PTPRD: variants seen among roughly 807,000 people sequenced by gnomAD.
PTPRD encodes the protein protein tyrosine phosphatase receptor type D, also known as receptor-type tyrosine-protein phosphatase delta.
In PTPRD, 34 loss-of-function variants were observed where a neutral mutation model predicts 214.5. That is an observed-to-expected ratio of 0.16 (90% CI 0.12 to 0.21). The LOEUF (loss-of-function observed/expected upper bound fraction) is 0.21. Among genes scored for constraint, PTPRD ranks in the 10% least tolerant of loss-of-function variants. The probability of loss-of-function intolerance (pLI) is 1.00; values close to 1 mark genes in which losing one functional copy is unlikely to be tolerated. For missense variants in PTPRD, 2,545 were observed against 2,398.7 expected, an observed-to-expected ratio of 1.06 and a Z score of -1.27; for synonymous variants, 1,128 against 845.7, an observed-to-expected ratio of 1.33 and a Z score of -5.79.
chr9:8,757,895 A>G (rs1025783864), intron 11 of PTPRD, among the ~76,000 whole-genome samples: 4 of 152,156 alleles, frequency 2.6e-5, no homozygotes, highest in Non-Finnish European at 5.9e-5. Context: ...ATCTCTATCT[A>G]TATAAAACAC....
At chr9:9,392,296 C>T (rs542423976) in intron 9 of PTPRD, among the ~76,000 whole-genome samples, 1 of 152,230 alleles carries the variant, frequency 6.6e-6, no homozygotes, top group East Asian at 1.9e-4. Context: ...GGTCATAAAC[C>T]TGCTTACAAT....
chr9:9,208,403 G>A (rs1169370274), intron 9 of PTPRD, among the ~76,000 whole-genome samples: 2 of 151,690 alleles, frequency 1.3e-5, no homozygotes, highest in Non-Finnish European at 2.9e-5. Flanking sequence ...TGAGGGTATA[G>A]GATACAAAAT....
chr9:9,017,164 C>T (rs2099539312), intron 11 of PTPRD, among the ~76,000 whole-genome samples: 1 of 151,974 alleles, frequency 6.6e-6, no homozygotes, highest in Non-Finnish European at 1.5e-5. Flanking sequence ...ACATAATAGC[C>T]ACCCAAACCC....
intron 2 of PTPRD, among the ~76,000 whole-genome samples, chr9:10,593,895 T>G (rs984541214): frequency 3.3e-5 from 5 of 152,120 alleles, no homozygotes; most frequent in Admixed American, 2.6e-4. Context: ...CAGCCCCAAA[T>G]GGTGCTTTCT....
At chr9:10,319,521 G>C (rs569372418) in intron 3 of PTPRD, among the ~76,000 whole-genome samples, 60 of 151,992 alleles carry the variant, frequency 3.9e-4, no homozygotes, top group Non-Finnish European at 8.1e-4. Flanking sequence ...TTTGTAAGGG[G>C]AAACAAGGAA....
At chr9:9,536,401 T>G (rs2076529691) in intron 8 of PTPRD, among the ~76,000 whole-genome samples, 1 of 152,000 alleles carries the variant, frequency 6.6e-6, no homozygotes, top group Non-Finnish European at 1.5e-5. Flanking sequence ...AGAATTTGCA[T>G]ATTAAAGGAC....
intron 2 of PTPRD, among the ~76,000 whole-genome samples, chr9:10,440,275 GA>G (rs1268888660): frequency 1.3e-5 from 2 of 151,710 alleles, no homozygotes; most frequent in Non-Finnish European, 2.9e-5. Flanking sequence ...CATTTTCTAA[GA>G]TTGCAAAAAG....
At chr9:8,488,012 G>C (rs763158477) in intron 27 of PTPRD, among the ~76,000 whole-genome samples, 2 of 152,092 alleles carry the variant, frequency 1.3e-5, no homozygotes, top group Non-Finnish European at 2.9e-5. Context: ...CTGAGTGACA[G>C]TGAAACTGTG....
intron 8 of PTPRD, among the ~76,000 whole-genome samples, chr9:9,505,927 C>T (rs759619327): frequency 1.9e-4 from 28 of 151,244 alleles, no homozygotes; most frequent in East Asian, 3.9e-4. Flanking sequence ...ACTCTTAAAT[C>T]GGAAATACTC....
intron 11 of PTPRD, among the ~76,000 whole-genome samples, chr9:8,892,821 T>C (rs1011298643): frequency 1.3e-5 from 2 of 151,490 alleles, no homozygotes; most frequent in Non-Finnish European, 2.9e-5. Flanking sequence ...TTTTACCAAG[T>C]AGTGGACATG....
At chr9:9,256,485 T>C (rs2099977762) in intron 9 of PTPRD, among the ~76,000 whole-genome samples, 1 of 151,854 alleles carries the variant, frequency 6.6e-6, no homozygotes, top group Non-Finnish European at 1.5e-5. Context: ...AGATTTAAAC[T>C]CTTCTAATCC....
intron 3 of PTPRD, among the ~76,000 whole-genome samples, chr9:10,066,223 C>A (rs1027173099): frequency 7.9e-5 from 12 of 151,472 alleles, no homozygotes; most frequent in Admixed American, 6.6e-5. Context: ...TATGAATAAA[C>A]AATAAACAAG....
At chr9:10,060,827 T>TCTTTCTTTCTTTCTTCCTTCCTTC (rs1217470478) in intron 3 of PTPRD, among the ~76,000 whole-genome samples, 1 of 119,752 alleles carries the variant, frequency 8.4e-6, no homozygotes, top group Non-Finnish European at 1.6e-5. Context: ...TTTCTTTCTT[T>TCTTTCTTTCTTTCTTCCTTCCTTC]CTTCCTTCCT....
At chr9:8,878,205 G>A (rs2098411430) in intron 11 of PTPRD, among the ~76,000 whole-genome samples, 1 of 152,180 alleles carries the variant, frequency 6.6e-6, no homozygotes, top group Admixed American at 6.5e-5. Flanking sequence ...CCAGGAGCTT[G>A]ATCATTCGTA....
At chr9:10,461,238 C>T (rs1215179515) in intron 2 of PTPRD, among the ~76,000 whole-genome samples, 1 of 116,914 alleles carries the variant, frequency 8.6e-6, no homozygotes, top group African/African-American at 3.3e-5. Context: ...TAAGAGATAA[C>T]AGGTGTTGGT....
At chr9:8,838,753 T>C (rs762505090) in intron 11 of PTPRD, among the ~76,000 whole-genome samples, 7 of 152,140 alleles carry the variant, frequency 4.6e-5, no homozygotes, top group Non-Finnish European at 8.8e-5. Context: ...GGTCAGTGAA[T>C]ACTTTCAGAT....
At chr9:9,932,221 G>C (rs1483246426) in intron 5 of PTPRD, among the ~76,000 whole-genome samples, 2 of 151,262 alleles carry the variant, frequency 1.3e-5, no homozygotes, top group African/African-American at 4.9e-5. Flanking sequence ...AACAAAGCTG[G>C]ATGGAGAATA....
At chr9:8,973,534 A>C (rs2099251360) in intron 11 of PTPRD, among the ~76,000 whole-genome samples, 1 of 152,036 alleles carries the variant, frequency 6.6e-6, no homozygotes, top group African/African-American at 2.4e-5. Context: ...ATATGAGTGC[A>C]TGTGTCTTTT....
At chr9:9,585,350 G>A (rs566741010) in intron 7 of PTPRD, among the ~76,000 whole-genome samples, 1 of 152,040 alleles carries the variant, frequency 6.6e-6, no homozygotes, top group African/African-American at 2.4e-5. Flanking sequence ...CTTGTACTTA[G>A]ACACTTGGTT....
Sources: gnomAD v4.1 joint callset for allele counts (sites outside exome capture counted in the v4.1 genomes callset) on GRCh38, gnomAD v4.1.1 for gene constraint, MANE v1.5 for transcripts, NCBI Gene and HGNC (gene_info 2026-07-23, HGNC 2026-07-21) for gene names.